Variants in DNAH3 observed in about 807,000 individuals in gnomAD.
DNAH3 encodes the protein dynein axonemal heavy chain 3.
DNAH3 carries 332 observed loss-of-function variants against 432.5 expected under a neutral mutation model. The ratio of observed to expected loss-of-function variants is 0.77; its 90% CI spans 0.70 to 0.84. The LOEUF (loss-of-function observed/expected upper bound fraction) is 0.84. Among genes scored for constraint, DNAH3 ranks in the 40% least tolerant of loss-of-function variants. The pLI is 0.00. For missense variants in DNAH3, 4,861 were observed against 5,114.0 expected, an observed-to-expected ratio of 0.95 and a Z score of 1.51; for synonymous variants, 1,956 against 1,900.2, an observed-to-expected ratio of 1.03 and a Z score of -0.76.
chr16:21,119,582 A>C (rs2092289069), intron 11 of DNAH3, among the ~76,000 whole-genome samples: 1 of 151,564 alleles, frequency 6.6e-6, no homozygotes, highest in Non-Finnish European at 1.5e-5. Flanking sequence ...TCCCGGGCTC[A>C]AGCAGAAAAA....
chr16:21,106,589 G>A, exon 15 of DNAH3: 2 of 1,611,578 alleles, frequency 1.2e-6, no homozygotes, highest in Non-Finnish European at 1.7e-6. Context: ...GATTTCTTTA[G>A]GAATTCAATG....
intron 20 of DNAH3, among the ~76,000 whole-genome samples, chr16:21,077,360 A>C (rs1192832981): frequency 6.6e-6 from 1 of 152,020 alleles, no homozygotes; most frequent in African/African-American, 2.4e-5. Flanking sequence ...ACGGGGTTTC[A>C]CCATATTGGC....
chr16:21,074,583 G>A (rs765873970), intron 21 of DNAH3, among the ~76,000 whole-genome samples: 7 of 152,020 alleles, frequency 4.6e-5, no homozygotes, highest in South Asian at 2.1e-4. Context: ...GCATGGTGGC[G>A]GGCACCTGTA....
intron 53 of DNAH3, among the ~76,000 whole-genome samples, chr16:20,961,441 A>T (rs760164349): frequency 6.6e-6 from 1 of 152,174 alleles, no homozygotes; most frequent in Admixed American, 6.6e-5. Context: ...ACATATATAC[A>T]TATGTAACAA....
intron 7 of DNAH3, among the ~76,000 whole-genome samples, chr16:21,129,676 G>A (rs1181069188): frequency 2.6e-5 from 4 of 151,960 alleles, no homozygotes; most frequent in African/African-American, 7.2e-5. Context: ...GGCAGAGGTT[G>A]CAGTGAGTCG....
chr16:21,052,425 C>T (rs1010660633), intron 28 of DNAH3, among the ~76,000 whole-genome samples: 2 of 152,332 alleles, frequency 1.3e-5, no homozygotes, highest in East Asian at 3.9e-4. Flanking sequence ...TCAGACAGCA[C>T]GGCAGAGGTA....
Position 21,107,345 on chromosome 16 carries a change from T to G in DNAH3, c.2100-671A>C, listed in dbSNP as rs545825879. 7.4e-4 allele frequency among the ~76,000 whole-genome samples: 109 copies of G among 147,660 alleles called. 1 individual carries two copies. Among genetic ancestry groups the G allele is most frequent in the African/African-American group, 2.6e-3 (105 of 40,048 alleles). On this transcript the variant is annotated intron_variant, in intron 14 of 61. Transcript: ENST00000261383. ...ACCTCTGCTTCCCGGGCTCAAGCAA[T>G]TCTCCTGCCTCAGCCTCCCGAGTAG...
chr16:20,980,005 C>G (rs904929923), intron 49 of DNAH3, among the ~76,000 whole-genome samples: 22 of 151,814 alleles, frequency 1.4e-4, no homozygotes, highest in African/African-American at 5.1e-4. Context: ...CCACCTTGGC[C>G]TCCCAAAGTG....
chr16:20,974,579 GTTTTT>G (rs752437227), intron 51 of DNAH3, among the ~76,000 whole-genome samples: 28 of 81,830 alleles, frequency 3.4e-4, no homozygotes, highest in African/African-American at 1.1e-3. Context: ...GTTTTATAGT[GTTTTT>G]TTTTTTTTTT....
chr16:21,006,696 G>T (rs570521973), intron 41 of DNAH3, among the ~76,000 whole-genome samples: 10 of 152,184 alleles, frequency 6.6e-5, no homozygotes, highest in Admixed American at 4.6e-4. Context: ...TTGTGTGTGT[G>T]TGTCTATTTG....
intron 1 of DNAH3, among the ~76,000 whole-genome samples, chr16:21,156,554 T>G (rs1460576891): frequency 2.6e-5 from 4 of 152,162 alleles, no homozygotes; most frequent in Non-Finnish European, 5.9e-5. Context: ...TAATCCCATT[T>G]AGGAGGGCTT....
At position 20,959,357 on chromosome 16, in the gene DNAH3, G is replaced by A. The variant is rs892330980; in HGVS notation, c.10648C>T (p.Gln3550Ter). 6.2e-7 allele frequency: 1 copy of A among 1,614,090 alleles called. No homozygotes were observed. The highest frequency in any genetic ancestry group is 1.3e-5 in the African/African-American group (1 of 74,922). ...TGGCCTTGGCCAAGGGAGATGGTCT[G>A]TGTTCTGGTACCTCCCATACCAAGA... The change falls in exon 54 of 62, where the codon CAG (glutamine) becomes TAG (stop). Residue 3550 changes from glutamine to a stop codon, truncating the protein, a stop_gained. Coordinates refer to ENST00000261383, the Ensembl canonical transcript of DNAH3. LOFTEE classifies it high-confidence loss of function.
At chr16:20,998,400 G>A (rs746043511) in intron 43 of DNAH3, among the ~76,000 whole-genome samples, 30 of 151,964 alleles carry the variant, frequency 2.0e-4, no homozygotes, top group Non-Finnish European at 4.0e-4. Flanking sequence ...CTACAGGTGT[G>A]CACCACCACG....
Position 21,009,882 on chromosome 16 carries a change from C to T in DNAH3, c.6023-6675G>A, listed in dbSNP as rs570690275. 8.4e-4 allele frequency among the ~76,000 whole-genome samples: 88 copies of T among 104,436 alleles called. 1 individual carries two copies. The highest frequency in any genetic ancestry group is 2.1e-3 in the South Asian group (6 of 2,842). The allele number at this position is 104,436 out of a possible 152,430, so 68.5% of individuals were successfully genotyped here. A position where few individuals can be genotyped will look rare whatever the true frequency, so the allele number is the denominator to read the frequency against. The stretch of plus-strand genomic sequence containing the variant: ...CCTGGACAAGAGAATGAGGCTCTGT[C>T]AAGAAAAGAAAAGAGGAGAGGAGAG... On this transcript the variant is annotated intron_variant, in intron 41 of 61. Transcript: ENST00000261383.
At position 21,117,233 on chromosome 16, in the gene DNAH3, A is replaced by G. The variant is rs150478970; in HGVS notation, c.1784T>C (p.Val595Ala). Reference sequence around the variant, plus strand: ...GGGGCCAACTTGATTTTTCTGAAATACCTTGAAAGTTTGAATCAAAAAATC... The same window carrying G: ...GGGGCCAACTTGATTTTTCTGAAATGCCTTGAAAGTTTGAATCAAAAAATC... Residue 595 changes from valine to alanine, a missense_variant, in exon 12 of 62, where the codon GTA (valine) becomes GCA (alanine). By Grantham distance (64) the Val-to-Ala change is moderately conservative. Transcript: ENST00000261383. The G allele has an allele frequency of 9.3e-6, 15 of 1,608,368 alleles. No individual in the cohort carries two copies. Among genetic ancestry groups the G allele is most frequent in the African/African-American group, 4.0e-5 (3 of 74,572 alleles).
Position 20,969,700 on chromosome 16 carries a change from G to A in DNAH3, c.8458+92C>T, listed in dbSNP as rs916726048. ...CCAAACTCAGTGATCTTGCCTGCAC[G>A]CCTGCAGTCGACTTGGGGATGCAGT... On this transcript the variant is annotated intron_variant, in intron 52 of 61. Coordinates refer to ENST00000261383, the Ensembl canonical transcript of DNAH3. The A allele has an allele frequency of 6.9e-5, 96 of 1,389,450 alleles. No homozygotes were observed. The African/African-American group carries it at 1.1e-3, about 16-fold the overall frequency. 86.1% of individuals were successfully genotyped at this position (1,389,450 alleles called of 1,614,324 possible). A position where few individuals can be genotyped will look rare whatever the true frequency, so the allele number is the denominator to read the frequency against.
intron 7 of DNAH3, chr16:21,130,100 A>C (rs1300770427): frequency 2.0e-5 from 3 of 151,270 alleles, no homozygotes; most frequent in Non-Finnish European, 4.4e-5. Flanking sequence ...TGAAAAAAAA[A>C]AAAAAAAAAC....
intron 5 of DNAH3, among the ~76,000 whole-genome samples, chr16:21,136,990 C>T (rs763119631): frequency 6.8e-4 from 103 of 151,844 alleles, no homozygotes; most frequent in Non-Finnish European, 1.9e-4. Flanking sequence ...AAAAATTAGC[C>T]GGGCGTGGTG....
rs1419609018 is a variant in DNAH3, at chr16:20,985,316, T to TC, written c.7425dup (p.Ile2476AspfsTer24). The TC allele has an allele frequency of 6.2e-7, 1 of 1,614,036 alleles. No homozygotes were observed. The highest frequency in any genetic ancestry group is 1.3e-5 in the African/African-American group (1 of 74,942). On this transcript the variant is annotated frameshift_variant, in exon 48 of 62. Coordinates refer to ENST00000261383, the Ensembl canonical transcript of DNAH3. LOFTEE classifies it high-confidence loss of function. ...GTGGCCACACCGACCTGCAGTATGA[T>TC]CTTCTTAAGATCTTCTCGCCAGTCA...
Sources: allele counts gnomAD v4.1 joint callset (sites outside exome capture counted in the v4.1 genomes callset), GRCh38; gene constraint gnomAD v4.1.1; transcripts MANE v1.5; gene names NCBI Gene and HGNC (gene_info 2026-07-23, HGNC 2026-07-21).